The following DNAH9 variants were observed in gnomAD, a reference collection of about 807,000 sequenced individuals.
DNAH9 encodes the protein DNAH9 variant protein.
Under a neutral mutation model 471.6 loss-of-function variants are expected in DNAH9, and 345 were observed. The observed-to-expected ratio is 0.73, with a 90% CI of 0.67 to 0.80. The LOEUF (loss-of-function observed/expected upper bound fraction) is 0.80, where lower values mean the gene tolerates loss of function less well. DNAH9 is among the 30% of genes least tolerant of loss of function. DNAH9 has a pLI of 0.00. For missense variants in DNAH9, 5,407 were observed against 5,609.2 expected, an observed-to-expected ratio of 0.96 and a Z score of 1.15; for synonymous variants, 2,093 against 2,123.6, an observed-to-expected ratio of 0.99 and a Z score of 0.40.
At chr17:11,847,737 T>C (rs1369119062) in intron 49 of DNAH9, among the ~76,000 whole-genome samples, 1 of 152,204 alleles carries the variant, frequency 6.6e-6, no homozygotes, top group African/African-American at 2.4e-5. Flanking sequence ...CCAACCCAGT[T>C]ACACTTTGCC....
In DNAH9 at chr17:11,961,856, T is replaced by C; in HGVS notation, c.12844-11T>C. The C allele has an allele frequency of 6.3e-7, 1 of 1,585,784 alleles. No individual in the cohort carries two copies. Among genetic ancestry groups the C allele is most frequent in the Non-Finnish European group, 8.6e-7 (1 of 1,163,590 alleles). On this transcript the variant is annotated splice_polypyrimidine_tract_variant and intron_variant, in intron 67 of 68. Coordinates refer to ENST00000262442, the MANE Select transcript of DNAH9 (RefSeq NM_001372.4). ...TTCTCACGCTTTCCCCCTCCCATTC[T>C]TTATCTTCAGGGGGAGCTGACTATG...
intron 45 of DNAH9, among the ~76,000 whole-genome samples, chr17:11,813,744 A>G (rs1462053728): frequency 6.6e-6 from 1 of 152,208 alleles, no homozygotes; most frequent in Non-Finnish European, 1.5e-5. Context: ...CATTTCTAAA[A>G]TCAAACCATG....
intron 26 of DNAH9, among the ~76,000 whole-genome samples, chr17:11,715,116 C>T (rs1053936709): frequency 1.3e-5 from 2 of 152,198 alleles, no homozygotes; most frequent in Admixed American, 6.5e-5. Flanking sequence ...ATCATCTGGA[C>T]CACTTTTCCG....
chr17:11,936,780 A>AT (rs1464475276), intron 65 of DNAH9, among the ~76,000 whole-genome samples: 3 of 152,032 alleles, frequency 2.0e-5, no homozygotes, highest in Non-Finnish European at 4.4e-5. Context: ...TAGTTTCAAA[A>AT]TTTTTTTTAT....
chr17:11,938,688 T>C (rs1974794386), intron 66 of DNAH9, among the ~76,000 whole-genome samples: 2 of 152,064 alleles, frequency 1.3e-5, no homozygotes, highest in African/African-American at 4.8e-5. Context: ...AGCCTGCAAC[T>C]CCTAACCTCA....
chr17:11,763,134 G>A (rs1027204707), intron 35 of DNAH9, among the ~76,000 whole-genome samples: 2 of 152,020 alleles, frequency 1.3e-5, no homozygotes, highest in Non-Finnish European at 1.5e-5. Context: ...GTGTTCCCCA[G>A]GTACTGAGAG....
chr17:11,938,836 C>T (rs1197242082), intron 66 of DNAH9, among the ~76,000 whole-genome samples: 1 of 152,094 alleles, frequency 6.6e-6, no homozygotes, highest in Non-Finnish European at 1.5e-5. Context: ...TGGGCTGAAG[C>T]AATCCTCTCA....
intron 48 of DNAH9, among the ~76,000 whole-genome samples, chr17:11,827,395 C>T (rs925137419): frequency 3.9e-5 from 6 of 152,080 alleles, no homozygotes; most frequent in African/African-American, 7.2e-5. Context: ...TAGGGGAAGG[C>T]GAAGGAGGAC....
At chr17:11,656,493 C>A (rs995477706) in intron 14 of DNAH9, among the ~76,000 whole-genome samples, 1 of 152,128 alleles carries the variant, frequency 6.6e-6, no homozygotes, top group African/African-American at 2.4e-5. Context: ...TAATTATCTT[C>A]TATGATATCA....
intron 67 of DNAH9, among the ~76,000 whole-genome samples, chr17:11,945,985 G>A (rs1227480703): frequency 6.6e-6 from 1 of 151,990 alleles, no homozygotes; most frequent in Non-Finnish European, 1.5e-5. Context: ...GATCAGTTGA[G>A]GTCAGGAGTT....
intron 59 of DNAH9, among the ~76,000 whole-genome samples, chr17:11,899,911 A>G (rs538813984): frequency 6.6e-6 from 1 of 152,322 alleles, no homozygotes; most frequent in African/African-American, 2.4e-5. Flanking sequence ...GAGGCCTACA[A>G]AAGTTCTTGC....
intron 67 of DNAH9, among the ~76,000 whole-genome samples, chr17:11,943,903 T>C (rs1028471298): frequency 2.1e-5 from 3 of 142,804 alleles, no homozygotes; most frequent in Non-Finnish European, 4.6e-5. Context: ...GAACTTTGCC[T>C]GTTATGTAAT....
chr17:11,901,933 G>A (rs1213992749), intron 59 of DNAH9, among the ~76,000 whole-genome samples: 1 of 152,222 alleles, frequency 6.6e-6, no homozygotes, highest in Non-Finnish European at 1.5e-5. Context: ...GATGGCCCAA[G>A]GGAGGTTGCA....
chr17:11,768,908 C>T (rs1399890442), intron 37 of DNAH9, among the ~76,000 whole-genome samples: 1 of 152,132 alleles, frequency 6.6e-6, no homozygotes, highest in African/African-American at 2.4e-5. Flanking sequence ...TAGAGGAGAG[C>T]GGGGAAGCTC....
intron 42 of DNAH9, 149 bp from the exon 43 acceptor site, chr17:11,797,448 A>G: frequency 1.6e-6 from 1 of 608,616 alleles, no homozygotes; most frequent in Non-Finnish European, 2.9e-6. Context: ...GCATCCACTT[A>G]AAAGGGCTTC....
At position 11,675,620 on chromosome 17, in the gene DNAH9, C is replaced by G. The variant is rs534896894; in HGVS notation, c.3354-4137C>G. On this transcript the variant is annotated intron_variant, in intron 17 of 68. Coordinates refer to ENST00000262442, the MANE Select transcript of DNAH9 (RefSeq NM_001372.4). ...TGATTTTAAAATTTCCCTTCTATTT[C>G]TAATTTGTTAGGAGTATTTAGCATA... 2.6e-5 allele frequency among the ~76,000 whole-genome samples: 4 copies of G among 152,186 alleles called. No homozygotes were observed. In the East Asian group the frequency reaches 7.7e-4, roughly 29 times the overall value.
intron 35 of DNAH9, among the ~76,000 whole-genome samples, chr17:11,761,248 A>G (rs184028553): frequency 9.2e-5 from 14 of 152,310 alleles, no homozygotes; most frequent in African/African-American, 3.4e-4. Flanking sequence ...AACTCCATTC[A>G]TAATGGAGGC....
intron 19 of DNAH9, among the ~76,000 whole-genome samples, chr17:11,685,325 A>G (rs1047418846): frequency 6.6e-6 from 1 of 152,216 alleles, no homozygotes; most frequent in South Asian, 2.1e-4. Context: ...AAGGATGAAA[A>G]TGTAAGAAAC....
intron 26 of DNAH9, among the ~76,000 whole-genome samples, chr17:11,713,677 T>A (rs2074912339): frequency 6.6e-6 from 1 of 152,226 alleles, no homozygotes. Flanking sequence ...CCTAACTTCA[T>A]TTTATCTTTA....
Sources: allele counts gnomAD v4.1 joint callset (sites outside exome capture counted in the v4.1 genomes callset), GRCh38; gene constraint gnomAD v4.1.1; transcripts MANE v1.5; gene names NCBI Gene and HGNC (gene_info 2026-07-23, HGNC 2026-07-21).